The following LRRC28 variants were observed in gnomAD, a reference collection of about 807,000 sequenced individuals.
The protein encoded by LRRC28 is leucine rich repeat containing 28.
A neutral mutation model predicts 45.7 loss-of-function variants in LRRC28; 39 were observed. The observed-to-expected ratio is 0.85, with a 90% CI of 0.66 to 1.12. LRRC28 has a LOEUF of 1.12. Ranked by LOEUF, LRRC28 falls within the 50% of genes most tolerant of loss-of-function variation. The probability of loss-of-function intolerance (pLI) is 0.00; values close to 1 mark genes in which losing one functional copy is unlikely to be tolerated. For synonymous variants in LRRC28, 206 were observed against 178.8 expected (o/e 1.15, Z -1.22); for missense variants, 435 against 438.5 (o/e 0.99, Z 0.07).
chr15:99,258,729 G>T, intron 2 of LRRC28: 1 of 701,220 alleles, frequency 1.4e-6, no homozygotes, highest in South Asian at 1.4e-5. Flanking sequence ...CCTGTGGCTT[G>T]TATTCACTTT....
At chr15:99,300,116 TG>T (rs2082359075) in intron 5 of LRRC28, among the ~76,000 whole-genome samples, 1 of 149,362 alleles carries the variant, frequency 6.7e-6, no homozygotes, top group South Asian at 2.2e-4. Context: ...AGTGACTTAG[TG>T]TTTTTTTTTC....
At chr15:99,360,772 T>A (rs1315492159) in intron 7 of LRRC28, among the ~76,000 whole-genome samples, 1 of 152,212 alleles carries the variant, frequency 6.6e-6, no homozygotes, top group African/African-American at 2.4e-5. Flanking sequence ...CATCTCTGCC[T>A]TCTGGTTATG....
chr15:99,282,967 A>G (rs940318245), intron 3 of LRRC28, among the ~76,000 whole-genome samples: 2 of 152,030 alleles, frequency 1.3e-5, no homozygotes, highest in African/African-American at 4.8e-5. Flanking sequence ...ATCTCAGTGC[A>G]CTGCAACCTC....
intron 3 of LRRC28, chr15:99,285,311 A>AC (rs1200695844): frequency 2.7e-6 from 2 of 740,310 alleles, no homozygotes; most frequent in African/African-American, 3.4e-5. Flanking sequence ...TTCTCTTGAG[A>AC]CAGCTGTCTT....
At chr15:99,374,442 T>C (rs1957567211) in intron 9 of LRRC28, among the ~76,000 whole-genome samples, 1 of 152,236 alleles carries the variant, frequency 6.6e-6, no homozygotes, top group Non-Finnish European at 1.5e-5. Flanking sequence ...ATATTTCGAC[T>C]GTATATCTTA....
chr15:99,274,393 A>G (rs1456997606), intron 2 of LRRC28, among the ~76,000 whole-genome samples: 1 of 152,190 alleles, frequency 6.6e-6, no homozygotes, highest in African/African-American at 2.4e-5. Flanking sequence ...AGTCCTTAGT[A>G]TAAAATATAA....
chr15:99,344,923 G>A (rs1956631271), intron 6 of LRRC28, among the ~76,000 whole-genome samples: 1 of 152,168 alleles, frequency 6.6e-6, no homozygotes, highest in Non-Finnish European at 1.5e-5. Context: ...ATAGAAAAGT[G>A]TTACTACCAT....
At chr15:99,337,881 AT>A (rs1432637990) in intron 6 of LRRC28, 1 of 152,394 alleles carries the variant, frequency 6.6e-6, no homozygotes, top group East Asian at 1.9e-4. Flanking sequence ...CAAGAGGATG[AT>A]GATGATGATG....
intron 8 of LRRC28, among the ~76,000 whole-genome samples, chr15:99,361,828 A>G (rs1364975029): frequency 6.6e-6 from 1 of 152,232 alleles, no homozygotes; most frequent in Non-Finnish European, 1.5e-5. Flanking sequence ...ACGGTGCTTA[A>G]AAGTTCAAGT....
chr15:99,374,889 G>A (rs746355873), intron 9 of LRRC28, among the ~76,000 whole-genome samples: 7 of 151,456 alleles, frequency 4.6e-5, no homozygotes, highest in Non-Finnish European at 8.8e-5. Context: ...AGATGATCTC[G>A]ATCTCCTGAC....
intron 5 of LRRC28, among the ~76,000 whole-genome samples, chr15:99,295,406 C>T (rs944700559): frequency 2.6e-5 from 4 of 152,280 alleles, no homozygotes; most frequent in African/African-American, 7.2e-5. Context: ...AAGAGAATTA[C>T]TGTGTACCTA....
At chr15:99,380,302 T>G (rs971577432) in intron 9 of LRRC28, among the ~76,000 whole-genome samples, 5 of 152,254 alleles carry the variant, frequency 3.3e-5, no homozygotes, top group Non-Finnish European at 5.9e-5. Flanking sequence ...TGGCCTTCTT[T>G]GTCTCTTTTG....
intron 6 of LRRC28, among the ~76,000 whole-genome samples, chr15:99,340,701 C>T (rs143776576): frequency 6.3e-4 from 96 of 152,138 alleles, no homozygotes; most frequent in East Asian, 2.1e-3. Context: ...ACAAAAAGTC[C>T]GAGAAGTTGG....
intron 1 of LRRC28, 31 bp from the exon 2 acceptor site, chr15:99,255,867 C>T (rs567298005): frequency 2.1e-6 from 3 of 1,402,112 alleles, no homozygotes; most frequent in Non-Finnish European, 2.9e-6. Context: ...AAAAATCTTA[C>T]AATGAATAAA....
intron 2 of LRRC28, among the ~76,000 whole-genome samples, chr15:99,263,276 G>T (rs574641259): frequency 7.1e-6 from 1 of 141,614 alleles, no homozygotes; most frequent in Admixed American, 7.5e-5. Flanking sequence ...CCAACATCAC[G>T]CCACTCCACG....
chr15:99,348,037 G>T (rs988708172), intron 6 of LRRC28, among the ~76,000 whole-genome samples: 1 of 152,132 alleles, frequency 6.6e-6, no homozygotes, highest in Non-Finnish European at 1.5e-5. Flanking sequence ...GTGATGTTGA[G>T]CACCTTTTCA....
At position 99,389,800 on chromosome 15, in the gene LRRC28, A is replaced by G. The variant is rs1272097718; in HGVS notation, c.*3698A>G. ...CAAAGGGGGTTTTTATAAAGTTTGT[A>G]TTTTTGAAACTAGCTCTATGTCTAT... is the stretch of plus-strand genomic sequence containing the variant. On this transcript the variant is annotated 3_prime_UTR_variant, in exon 10 of 10. Transcript: ENST00000301981. 6.6e-6 allele frequency: 1 copy of G among 152,122 alleles called. No individual in the cohort carries two copies. 9.4% of individuals were successfully genotyped at this position (152,122 alleles called of 1,614,324 possible). A position where few individuals can be genotyped will look rare whatever the true frequency, so the allele number is the denominator to read the frequency against.
chr15:99,350,902 C>T (rs988114397), intron 6 of LRRC28, among the ~76,000 whole-genome samples: 2 of 152,142 alleles, frequency 1.3e-5, no homozygotes, highest in African/African-American at 4.8e-5. Flanking sequence ...CAGGCTCAAA[C>T]GATCCTTTCA....
In LRRC28 at chr15:99,264,283, A is replaced by G. The variant is rs115507548; in HGVS notation, c.168+8158A>G. ...GGGAGAGGAGGAAGTGGTCACCTGCAGGCGACTAGAAAGCTAACCTATTTC... is the reference window on the plus strand; with the variant it reads ...GGGAGAGGAGGAAGTGGTCACCTGCGGGCGACTAGAAAGCTAACCTATTTC... On this transcript the variant is annotated intron_variant, in intron 2 of 9. Transcript: ENST00000301981. 1.8e-3 allele frequency among the ~76,000 whole-genome samples: 268 copies of G among 152,362 alleles called. 3 individuals are homozygous for G. Among genetic ancestry groups the G allele is most frequent in the African/African-American group, 6.2e-3 (258 of 41,582 alleles).
Sources: allele counts gnomAD v4.1 joint callset (sites outside exome capture counted in the v4.1 genomes callset), GRCh38; gene constraint gnomAD v4.1.1; transcripts MANE v1.5; gene names NCBI Gene and HGNC (gene_info 2026-07-23, HGNC 2026-07-21).